Variants in RASA1 observed in about 807,000 individuals in gnomAD.
RASA1 encodes ras GTPase-activating protein 1.
A neutral mutation model predicts 132.2 loss-of-function variants in RASA1; 25 were observed. The ratio of observed to expected loss-of-function variants is 0.19; its 90% CI spans 0.14 to 0.26. The LOEUF (loss-of-function observed/expected upper bound fraction) is 0.26. Ranked by LOEUF, RASA1 falls within the 10% of genes least tolerant of loss-of-function variation. The probability of loss-of-function intolerance (pLI) is 1.00; values close to 1 mark genes in which losing one functional copy is unlikely to be tolerated. For synonymous variants in RASA1, 477 were observed against 449.9 expected (o/e 1.06, Z -0.76); for missense variants, 964 against 1,299.2 (o/e 0.74, Z 3.97).
At chr5:87,378,919 T>G (rs1365254871) in intron 18 of RASA1, among the ~76,000 whole-genome samples, 3 of 152,206 alleles carry the variant, frequency 2.0e-5, no homozygotes, top group African/African-American at 7.2e-5. Context: ...GAAGGTTTTT[T>G]TGCGAGGGGA....
At chr5:87,359,977 T>C (rs1759949816) in intron 9 of RASA1, among the ~76,000 whole-genome samples, 1 of 152,204 alleles carries the variant, frequency 6.6e-6, no homozygotes, top group Non-Finnish European at 1.5e-5. Context: ...TGATTCCAGA[T>C]TTGAAATCAG....
chr5:87,323,788 T>C (rs1757006351), intron 1 of RASA1, among the ~76,000 whole-genome samples: 1 of 152,148 alleles, frequency 6.6e-6, no homozygotes, highest in African/African-American at 2.4e-5. Flanking sequence ...AGTCCCTCAC[T>C]TTTTCCAAGT....
In RASA1 at chr5:87,271,555, G is replaced by A. The variant is rs1238734213; in HGVS notation, c.539+2565G>A. ...GTGTTTTCGGCTCACTGCAAGCTCC[G>A]CCCCGCCCCTCCCCGCCTTCAGGTT... On this transcript the variant is annotated intron_variant, in intron 1 of 24. Coordinates refer to ENST00000274376, the MANE Select transcript of RASA1 (RefSeq NM_002890.3). 3.8e-5 allele frequency among the ~76,000 whole-genome samples: 5 copies of A among 130,182 alleles called. No individual in the cohort carries two copies. In the East Asian group the frequency reaches 1.0e-3, roughly 26 times the overall value. 85.4% of individuals were successfully genotyped at this position (130,182 alleles called of 152,430 possible).
At chr5:87,275,664 G>A (rs949401041) in intron 1 of RASA1, among the ~76,000 whole-genome samples, 4 of 151,936 alleles carry the variant, frequency 2.6e-5, no homozygotes, top group African/African-American at 7.3e-5. Context: ...TCCGCCTTCC[G>A]GGTTCAAGCA....
intron 20 of RASA1, among the ~76,000 whole-genome samples, chr5:87,383,184 T>A (rs945230009): frequency 1.3e-5 from 2 of 152,322 alleles, no homozygotes; most frequent in East Asian, 3.9e-4. Flanking sequence ...TTTTCTCTAG[T>A]GCAATGGATT....
intron 13 of RASA1, among the ~76,000 whole-genome samples, chr5:87,373,417 C>G (rs956208253): frequency 6.6e-6 from 1 of 152,038 alleles, no homozygotes; most frequent in Non-Finnish European, 1.5e-5. Context: ...TCTTGGGCTT[C>G]GTTAGCTGCC....
chr5:87,287,548 AC>A (rs1404093037), intron 1 of RASA1, among the ~76,000 whole-genome samples: 7 of 146,154 alleles, frequency 4.8e-5, no homozygotes, highest in Admixed American at 2.0e-4. Context: ...ATATATACAC[AC>A]CATATATATA....
Position 87,314,114 on chromosome 5 carries a change from G to A in RASA1, c.540-17234G>A, listed in dbSNP as rs376484546. On this transcript the variant is annotated intron_variant, in intron 1 of 24. Transcript: ENST00000274376. Reference sequence around the variant, plus strand: ...CTTGAACCCGGGACGTGGAGGTTGCGGTGAGTCAAGATCATGCCATTGCAC... The same window carrying A: ...CTTGAACCCGGGACGTGGAGGTTGCAGTGAGTCAAGATCATGCCATTGCAC... 1.1e-4 allele frequency among the ~76,000 whole-genome samples: 17 copies of A among 152,172 alleles called. No individual in the cohort carries two copies. The East Asian group carries it at 2.3e-3, about 21-fold the overall frequency.
chr5:87,285,635 T>A (rs1250851037), intron 1 of RASA1, among the ~76,000 whole-genome samples: 9 of 149,896 alleles, frequency 6.0e-5, no homozygotes, highest in Non-Finnish European at 1.0e-4. Flanking sequence ...TTTTTTTTTT[T>A]GAGACAAAGT....
At chr5:87,353,334 C>G in intron 9 of RASA1, 99 bp downstream of exon 9, 1 of 907,016 alleles carries the variant, frequency 1.1e-6, no homozygotes, top group Non-Finnish European at 1.8e-6. Flanking sequence ...AAATTGGATA[C>G]AACTTAAAAC....
intron 1 of RASA1, among the ~76,000 whole-genome samples, chr5:87,280,607 C>T (rs928121386): frequency 5.9e-5 from 9 of 152,210 alleles, no homozygotes; most frequent in Middle Eastern, 3.2e-3. Flanking sequence ...GCCACCTCGC[C>T]CAGCTTGAAA....
chr5:87,313,058 G>A (rs1188382982), intron 1 of RASA1, among the ~76,000 whole-genome samples: 2 of 152,134 alleles, frequency 1.3e-5, no homozygotes, highest in East Asian at 1.9e-4. Flanking sequence ...CTGAACAGGC[G>A]TCTTACAAAT....
chr5:87,371,199 T>C (rs1465576569), intron 12 of RASA1, among the ~76,000 whole-genome samples: 1 of 152,164 alleles, frequency 6.6e-6, no homozygotes, highest in Non-Finnish European at 1.5e-5. Flanking sequence ...TATTTATACA[T>C]AATATTTCTG....
chr5:87,342,690 A>G (rs532243093), intron 6 of RASA1, among the ~76,000 whole-genome samples: 1 of 152,312 alleles, frequency 6.6e-6, no homozygotes, highest in Admixed American at 6.5e-5. Context: ...GGTGTTAGGG[A>G]AAACTGTGGG....
intron 22 of RASA1, among the ~76,000 whole-genome samples, chr5:87,386,113 T>A (rs1205144306): frequency 6.6e-6 from 1 of 152,088 alleles, no homozygotes; most frequent in Non-Finnish European, 1.5e-5. Context: ...CTATACTTTT[T>A]TCTTTTTTGC....
intron 18 of RASA1, among the ~76,000 whole-genome samples, 155 bp from the exon 19 acceptor site, chr5:87,379,580 A>G (rs573005761): frequency 6.6e-6 from 1 of 152,312 alleles, no homozygotes; most frequent in Admixed American, 6.5e-5. Context: ...AGAGAAAACT[A>G]CTTAAAAACT....
At chr5:87,360,432 T>C (rs1320857492) in intron 9 of RASA1, among the ~76,000 whole-genome samples, 2 of 152,200 alleles carry the variant, frequency 1.3e-5, no homozygotes, top group African/African-American at 4.8e-5. Flanking sequence ...TTTTGAAAAC[T>C]CTGATGGCTC....
At position 87,376,909 on chromosome 5, in the gene RASA1, T is replaced by C; in HGVS notation, c.2213T>C (p.Val738Ala). 6 of 1,609,900 alleles carry C rather than the reference T, an allele frequency of 3.7e-6. No individual in the cohort carries two copies. The highest frequency in any genetic ancestry group is 1.1e-5 in the South Asian group (1 of 91,002). Residue 738 changes from valine (V) to alanine (A), a missense_variant, in exon 17 of 25, where the codon GTC becomes GCC. Physicochemically the swap from Val to Ala is moderately conservative, Grantham distance 64 (BLOSUM62 0). This residue lies in a region of RASA1 where 346 missense variants were observed against 520.1 expected (regional missense o/e 0.67). Transcript: ENST00000274376. ...ATACTGCAAAAGGAACTTCATGTAGTCTATGCTTTATCACATGTATGTGGA... is the reference window on the plus strand; with the variant it reads ...ATACTGCAAAAGGAACTTCATGTAGCCTATGCTTTATCACATGTATGTGGA... ...ELILQKELHV[V>A]YALSHVCGQD...
chr5:87,279,646 C>CT (rs1416055559), intron 1 of RASA1, among the ~76,000 whole-genome samples: 7 of 152,176 alleles, frequency 4.6e-5, no homozygotes, highest in Non-Finnish European at 1.0e-4. Context: ...TCCGGTTTCT[C>CT]TGTGTCTTAA....
Sources: gnomAD v4.1 joint callset for allele counts (sites outside exome capture counted in the v4.1 genomes callset) on GRCh38, gnomAD v4.1.1 for gene constraint, gnomAD v4.1.1 regional missense constraint, MANE v1.5 for transcripts, NCBI Gene and HGNC (gene_info 2026-07-23, HGNC 2026-07-21) for gene names.